Variants in TMPRSS15 observed in about 807,000 individuals in gnomAD.
TMPRSS15 encodes the protein enteropeptidase.
A neutral mutation model predicts 125.3 loss-of-function variants in TMPRSS15; 128 were observed. That is an observed-to-expected ratio of 1.02 (90% CI 0.89 to 1.18). TMPRSS15 has a LOEUF of 1.18. TMPRSS15 is among the 50% of genes most tolerant of loss of function. The probability of loss-of-function intolerance (pLI) is 0.00; values close to 1 mark genes in which losing one functional copy is unlikely to be tolerated. For synonymous variants in TMPRSS15, 446 were observed against 423.2 expected (o/e 1.05, Z -0.66); for missense variants, 1,283 against 1,212.7 (o/e 1.06, Z -0.86).
chr21:18,297,747 T>G lies in TMPRSS15; in HGVS notation c.2248A>C (p.Ile750Leu), dbSNP rs147103214. The change falls in exon 19 of 25, where the codon ATA becomes CTA. Residue 750 changes from isoleucine to leucine, a missense_variant. Physicochemically the swap from Ile to Leu is conservative, Grantham distance 5 (BLOSUM62 2). Coordinates refer to ENST00000284885, the MANE Select transcript of TMPRSS15 (RefSeq NM_002772.3). ...TTAGGGACCCACCTGGGTGTTAGTA[T>G]TAAGTGGCCATCAGGTGCTGTGTTT... ...KLNTAPDGHL[I>L]LTPSQQCLQD... The G allele has an allele frequency of 1.2e-6, 2 of 1,613,296 alleles. No individual in the cohort carries two copies. Among genetic ancestry groups the G allele is most frequent in the Non-Finnish European group, 1.7e-6 (2 of 1,179,390 alleles).
At chr21:18,463,245 G>GA (rs1978585963) in intron 1 of TMPRSS15, among the ~76,000 whole-genome samples, 5 of 1,404 alleles carry the variant, frequency 3.6e-3, no homozygotes, top group Non-Finnish European at 3.4e-3. Flanking sequence ...CAAATGGAAA[G>GA]CAAAAAAAAA....
At position 18,383,768 on chromosome 21, in the gene TMPRSS15, T is replaced by C. The variant is rs1390497512; in HGVS notation, c.355A>G (p.Ile119Val). The C allele has an allele frequency of 1.3e-5, 21 of 1,613,354 alleles. No homozygotes were observed. The highest frequency in any genetic ancestry group is 1.7e-5 in the Non-Finnish European group (20 of 1,179,654). Reference protein sequence around the residue: ...SRVLQFENGSIIVVFDLFFAQ... With the variant: ...SRVLQFENGSVIVVFDLFFAQ... The stretch of plus-strand genomic sequence containing the variant: ...AAGAAAAGGTCAAATACGACTATAA[T>C]GCTGCCATTTCTGCAAAGCAAAAGA... Residue 119 changes from isoleucine (I) to valine (V), a missense_variant, in exon 4 of 25, where the codon ATT becomes GTT. By Grantham distance (29) the Ile-to-Val change is conservative. Coordinates refer to ENST00000284885, the MANE Select transcript of TMPRSS15 (RefSeq NM_002772.3).
At chr21:18,371,336 C>T (rs1168830345) in intron 6 of TMPRSS15, among the ~76,000 whole-genome samples, 1 of 152,088 alleles carries the variant, frequency 6.6e-6, no homozygotes, top group African/African-American at 2.4e-5. Flanking sequence ...CTGTGGAAAC[C>T]ACTAATAAGG....
chr21:18,475,986 C>T (rs1053182449), intron 1 of TMPRSS15, among the ~76,000 whole-genome samples: 1 of 152,052 alleles, frequency 6.6e-6, no homozygotes, highest in Non-Finnish European at 1.5e-5. Context: ...ACATTAATTG[C>T]CACAGGCTGG....
At chr21:18,460,315 G>GCTCAT (rs932236240) in intron 1 of TMPRSS15, among the ~76,000 whole-genome samples, 5 of 151,628 alleles carry the variant, frequency 3.3e-5, no homozygotes, top group African/African-American at 1.2e-4. Context: ...TCTATCTGTT[G>GCTCAT]CTCATAAGTT....
At position 18,359,757 on chromosome 21, in the gene TMPRSS15, C is replaced by T. The variant is rs1050244786; in HGVS notation, c.880G>A (p.Ala294Thr). Residue 294 changes from alanine (A) to threonine (T), a missense_variant and splice_region_variant, in exon 8 of 25, where the codon GCT becomes ACT. By Grantham distance (58) the Ala-to-Thr change is moderately conservative. Transcript: ENST00000284885. ...EGVGSSKILRASIWETNPGTI... is the reference protein window; with the variant it reads ...EGVGSSKILRTSIWETNPGTI... ...TAATTGTATATTTGTTTCAACTTAC[C>T]TCTTAAAATCTTGCTTGATCCTACA... 2.3e-6 allele frequency: 3 copies of T among 1,303,726 alleles called. No homozygotes were observed. The highest frequency in any genetic ancestry group is 3.3e-6 in the Non-Finnish European group (3 of 902,502). The allele number at this position is 1,303,726 out of a possible 1,614,324, so 80.8% of individuals were successfully genotyped here.
intron 21 of TMPRSS15, among the ~76,000 whole-genome samples, chr21:18,287,857 A>T (rs1012636345): frequency 2.6e-5 from 4 of 152,166 alleles, no homozygotes; most frequent in African/African-American, 4.8e-5. Context: ...TTGGAAAAGG[A>T]TCCAAGACCT....
chr21:18,300,333 G>T (rs879352273), intron 18 of TMPRSS15, among the ~76,000 whole-genome samples: 95 of 112,382 alleles, frequency 8.5e-4, no homozygotes, highest in Middle Eastern at 5.0e-3. Flanking sequence ...CTTCCTTCTT[G>T]CCTTCCTGCC....
chr21:18,421,658 C>A (rs898424817), intron 1 of TMPRSS15, among the ~76,000 whole-genome samples: 4 of 151,994 alleles, frequency 2.6e-5, no homozygotes, highest in Non-Finnish European at 5.9e-5. Flanking sequence ...AATTTCTATT[C>A]CTTTGTTTGA....
chr21:18,315,029 C>A, intron 17 of TMPRSS15, 117 bp downstream of exon 17: 1 of 815,112 alleles, frequency 1.2e-6, no homozygotes, highest in South Asian at 1.4e-5. Flanking sequence ...GAGATGTTCT[C>A]GTTCCAAAGC....
chr21:18,273,807 C>G (rs1026902990), intron 24 of TMPRSS15, among the ~76,000 whole-genome samples: 1 of 152,086 alleles, frequency 6.6e-6, no homozygotes, highest in Admixed American at 6.5e-5. Context: ...AAGAAAAAAG[C>G]CATCCTATTT....
rs564790556 is a variant in TMPRSS15 at position 18,485,028 on chromosome 21, G to T, written c.10+771C>A. Among the ~76,000 whole-genome samples, 3 of 151,804 alleles carry T rather than the reference G, an allele frequency of 2.0e-5. No homozygotes were observed. The South Asian group carries it at 6.2e-4, about 32-fold the overall frequency. On this transcript the variant is annotated intron_variant, in intron 1 of 7. Coordinates refer to the TMPRSS15 transcript ENST00000422787. ...TGATTGTTTTAATTCATTGAGTTAA[G>T]TCCTTTATTTTTGTTATTTGTGTTT...
intron 3 of TMPRSS15, among the ~76,000 whole-genome samples, chr21:18,397,380 G>A (rs1032819872): frequency 5.3e-5 from 8 of 152,068 alleles, no homozygotes; most frequent in Non-Finnish European, 1.0e-4. Flanking sequence ...ATTTCCATAT[G>A]TTACAGATTC....
intron 10 of TMPRSS15, among the ~76,000 whole-genome samples, chr21:18,346,402 T>A (rs2075509290): frequency 6.6e-6 from 1 of 152,236 alleles, no homozygotes; most frequent in African/African-American, 2.4e-5. Flanking sequence ...AATAAGCTTA[T>A]ACGCACCTAT....
chr21:18,436,357 A>C (rs1180529279), intron 1 of TMPRSS15, among the ~76,000 whole-genome samples: 1 of 152,108 alleles, frequency 6.6e-6, no homozygotes, highest in Admixed American at 6.6e-5. Flanking sequence ...GTTTCAAAGA[A>C]CATCTTTATT....
chr21:18,436,135 G>C (rs2076227406), intron 1 of TMPRSS15, among the ~76,000 whole-genome samples: 1 of 151,080 alleles, frequency 6.6e-6, no homozygotes, highest in Non-Finnish European at 1.5e-5. Context: ...ATTTCCTTTA[G>C]TTCTGCTCTG....
At chr21:18,404,918 A>C, upstream of TMPRSS15, among the ~76,000 whole-genome samples, 1 of 152,166 alleles carries the variant, frequency 6.6e-6, no homozygotes, top group Non-Finnish European at 1.5e-5. Flanking sequence ...AAATATATAT[A>C]TGAAATATAT....
intron 18 of TMPRSS15, among the ~76,000 whole-genome samples, chr21:18,304,977 T>G (rs1405720982): frequency 1.3e-5 from 2 of 151,974 alleles, no homozygotes; most frequent in Admixed American, 6.6e-5. Flanking sequence ...CAAAGAAGAT[T>G]CTCCAAATTA....
At chr21:18,409,816 CCCTTCCCCCCTTCACCCCTCCCT>C (rs1204063966) in intron 1 of TMPRSS15, among the ~76,000 whole-genome samples, 2 of 133,620 alleles carry the variant, frequency 1.5e-5, no homozygotes, top group Admixed American at 1.5e-4. Context: ...CAATCTCCCC[CCCTTCCCCCCTTCACCCCTCCCT>C]CCTTTCCCCC....
Sources: gnomAD v4.1 joint callset for allele counts (sites outside exome capture counted in the v4.1 genomes callset) on GRCh38, gnomAD v4.1.1 for gene constraint, MANE v1.5 for transcripts, NCBI Gene and HGNC (gene_info 2026-07-23, HGNC 2026-07-21) for gene names.